DPH6: variants seen among roughly 807,000 people sequenced by gnomAD.
DPH6 encodes diphthine--ammonia ligase.
A neutral mutation model predicts 38.2 loss-of-function variants in DPH6; 33 were observed. The ratio of observed to expected loss-of-function variants is 0.86; its 90% CI spans 0.65 to 1.15. The LOEUF (loss-of-function observed/expected upper bound fraction) is 1.15. Among genes scored for constraint, DPH6 ranks in the 50% most tolerant of loss-of-function variants. The pLI, the probability that DPH6 is intolerant of heterozygous loss-of-function variation, is 0.00. For synonymous variants in DPH6, 108 were observed against 103.0 expected (o/e 1.05, Z -0.30); for missense variants, 325 against 320.0 (o/e 1.02, Z -0.12).
intron 3 of DPH6, among the ~76,000 whole-genome samples, chr15:35,483,550 A>C (rs1180342335): frequency 1.3e-5 from 2 of 152,172 alleles, no homozygotes; most frequent in Non-Finnish European, 2.9e-5. Flanking sequence ...AAAAAGGTAG[A>C]CAATAACGAA....
chr15:35,458,674 C>T (rs995753732), intron 3 of DPH6, among the ~76,000 whole-genome samples: 1 of 152,064 alleles, frequency 6.6e-6, no homozygotes, highest in Non-Finnish European at 1.5e-5. Flanking sequence ...ATAAAGACAG[C>T]CAAATGAATC....
intron 3 of DPH6, among the ~76,000 whole-genome samples, chr15:35,295,175 C>T (rs1029106453): frequency 3.3e-5 from 5 of 152,184 alleles, no homozygotes; most frequent in Admixed American, 1.3e-4. Context: ...TCAAAACTAA[C>T]CAGGCCCACA....
intron 6 of DPH6, among the ~76,000 whole-genome samples, chr15:35,384,434 TA>T (rs1443344114): frequency 6.6e-6 from 1 of 152,086 alleles, no homozygotes; most frequent in African/African-American, 2.4e-5. Flanking sequence ...AAGAGAAGTA[TA>T]GAGAGAACTT....
At chr15:35,496,567 AATATATATATATAT>A (rs1165939476) in intron 3 of DPH6, among the ~76,000 whole-genome samples, 2 of 31,016 alleles carry the variant, frequency 6.4e-5, no homozygotes, top group Admixed American at 4.7e-4. Context: ...AAAAAAAAAA[AATATATATATATAT>A]ATATATATAT....
In DPH6 at chr15:35,542,449, C is replaced by T. The variant is rs148139655; in HGVS notation, c.82G>A (p.Val28Ile). The change falls in exon 2 of 9, where the codon GTT becomes ATT. Residue 28 changes from valine to isoleucine, a missense_variant. Physicochemically the swap from Val to Ile is conservative, Grantham distance 29. Transcript: ENST00000256538. ...GCTGGTCTTAGATTTGCTAAAGCAA[C>T]GATCTGATGCCCAGCAGCAATGCAC... ...MQCIAAGHQIVALANLRPAEN... is the reference protein window; with the variant it reads ...MQCIAAGHQIIALANLRPAEN... 524 of 1,576,426 alleles carry T rather than the reference C, an allele frequency of 3.3e-4. 1 individual carries two copies. Among genetic ancestry groups the T allele is most frequent in the Middle Eastern group, 1.7e-3 (10 of 5,928 alleles).
intron 3 of DPH6, among the ~76,000 whole-genome samples, chr15:35,537,562 C>A (rs1382439798): frequency 6.6e-6 from 1 of 151,988 alleles, no homozygotes; most frequent in Non-Finnish European, 1.5e-5. Context: ...GATAAATGAG[C>A]CCAAATATAC....
intron 6 of DPH6, among the ~76,000 whole-genome samples, chr15:35,408,579 GA>G (rs1197629890): frequency 6.6e-6 from 1 of 151,990 alleles, no homozygotes; most frequent in East Asian, 1.9e-4. Context: ...ATTACCTAGA[GA>G]AAGTTTCTAG....
intron 1 of DPH6, among the ~76,000 whole-genome samples, chr15:35,544,057 G>A (rs1254832117): frequency 2.0e-5 from 3 of 152,140 alleles, no homozygotes; most frequent in African/African-American, 7.2e-5. Context: ...TATCAGACAA[G>A]CTTGGGAAAT....
intron 3 of DPH6, chr15:35,237,873 C>T (rs2051566609): frequency 2.0e-6 from 3 of 1,484,646 alleles, no homozygotes; most frequent in African/African-American, 1.4e-5. Context: ...GACGAAGATG[C>T]TCAGGTAGTG....
chr15:35,447,472 C>A (rs542511103), intron 5 of DPH6, among the ~76,000 whole-genome samples: 7 of 151,982 alleles, frequency 4.6e-5, no homozygotes, highest in Admixed American at 3.9e-4. Flanking sequence ...CCTGTTTTGA[C>A]CCACACCCTT....
At chr15:35,413,147 CAAAAT>C (rs2053390334) in intron 5 of DPH6, among the ~76,000 whole-genome samples, 1 of 151,586 alleles carries the variant, frequency 6.6e-6, no homozygotes, top group East Asian at 1.9e-4. Flanking sequence ...ACTGCTTTAA[CAAAAT>C]AAAATAAAAA....
In DPH6 at chr15:35,546,021, G is replaced by T; in HGVS notation, c.23+98C>A. 2.7e-6 allele frequency: 3 copies of T among 1,125,224 alleles called. No individual in the cohort carries two copies. In the South Asian group the frequency reaches 9.1e-5, roughly 34 times the overall value. The allele number at this position is 1,125,224 out of a possible 1,614,324, so 69.7% of individuals were successfully genotyped here. A position where few individuals can be genotyped will look rare whatever the true frequency, so the allele number is the denominator to read the frequency against. The stretch of plus-strand genomic sequence containing the variant: ...AGGAGCCGCGGAACCCCCAACGCGC[G>T]ACTCAGACGGAGACACCCACTCTTT... On this transcript the variant is annotated intron_variant, in intron 1 of 8. Coordinates refer to ENST00000256538, the MANE Select transcript of DPH6 (RefSeq NM_080650.4).
At chr15:35,355,674 C>T (rs1038952403) in intron 3 of DPH6, among the ~76,000 whole-genome samples, 10 of 152,192 alleles carry the variant, frequency 6.6e-5, no homozygotes, top group Admixed American at 1.3e-4. Flanking sequence ...GATGCACTTC[C>T]CCTTGTGGGT....
At chr15:35,204,957 A>G in the DPH6 span, among the ~76,000 whole-genome samples, 1 of 151,956 alleles carries the variant, frequency 6.6e-6, no homozygotes, top group African/African-American at 2.4e-5. Context: ...AAGAGAGAGA[A>G]ACACAGATAG....
chr15:35,497,278 G>A (rs1056745607), intron 3 of DPH6, among the ~76,000 whole-genome samples: 1 of 152,110 alleles, frequency 6.6e-6, no homozygotes, highest in African/African-American at 2.4e-5. Context: ...ACAAATATTT[G>A]TTAAATAAAT....
intron 3 of DPH6, among the ~76,000 whole-genome samples, chr15:35,245,716 A>G (rs1384098443): frequency 3.9e-5 from 6 of 152,200 alleles, no homozygotes; most frequent in African/African-American, 1.4e-4. Context: ...CTCAAATCAA[A>G]CAAATCAACA....
At chr15:35,291,193 G>A (rs1204237101) in intron 3 of DPH6, among the ~76,000 whole-genome samples, 1 of 151,938 alleles carries the variant, frequency 6.6e-6, no homozygotes, top group Non-Finnish European at 1.5e-5. Context: ...AGTAATCCAG[G>A]TAAATTACAC....
At chr15:35,387,774 C>T (rs1041349846) in intron 6 of DPH6, among the ~76,000 whole-genome samples, 2 of 152,164 alleles carry the variant, frequency 1.3e-5, no homozygotes, top group Non-Finnish European at 2.9e-5. Context: ...GATATACAAT[C>T]ATGTCATCTG....
chr15:35,403,074 T>C (rs2053243184), intron 6 of DPH6, among the ~76,000 whole-genome samples: 4 of 152,108 alleles, frequency 2.6e-5, no homozygotes, highest in South Asian at 2.1e-4. Flanking sequence ...AAATTGTATG[T>C]ATAGTTGAAT....
Sources: gnomAD v4.1 joint callset for allele counts (sites outside exome capture counted in the v4.1 genomes callset) on GRCh38, gnomAD v4.1.1 for gene constraint, MANE v1.5 for transcripts, NCBI Gene and HGNC (gene_info 2026-07-23, HGNC 2026-07-21) for gene names.